Variants in PDZD2 observed in about 807,000 individuals in gnomAD.
PDZD2 encodes PDZ domain-containing protein 2.
Under a neutral mutation model 220.7 loss-of-function variants are expected in PDZD2, and 90 were observed. That is an observed-to-expected ratio of 0.41 (90% confidence interval 0.34 to 0.49). PDZD2 has a LOEUF of 0.49. PDZD2 is among the 20% of genes least tolerant of loss of function. The pLI, the probability that PDZD2 is intolerant of heterozygous loss-of-function variation, is 0.28. For missense variants in PDZD2, 3,174 were observed against 3,608.5 expected (o/e 0.88, Z 3.08); for synonymous variants, 1,375 against 1,450.5 (o/e 0.95, Z 1.18).
intron 2 of PDZD2, among the ~76,000 whole-genome samples, chr5:31,848,804 C>T (rs781750902): frequency 4.6e-4 from 70 of 151,206 alleles, no homozygotes; most frequent in Non-Finnish European, 7.8e-4. Flanking sequence ...AATCCCAGCA[C>T]TTTGGGAGGT....
chr5:32,087,214 A>G lies in PDZD2; in HGVS notation c.3766A>G (p.Thr1256Ala). ...TGACCCCAGCAAGACCTCTGTAGAC[A>G]CAGGGCAAGTCAGTCGGCCAGAGAA... ...HPDPSKTSVD[T>A]GQVSRPENPS... is the part of the protein sequence containing the mutation. Residue 1256 changes from threonine to alanine, a missense_variant, in exon 20 of 25, where the codon ACA (threonine) becomes GCA (alanine). Physicochemically the swap from Thr to Ala is moderately conservative, Grantham distance 58 (BLOSUM62 0). Coordinates refer to ENST00000438447, the MANE Select transcript of PDZD2 (RefSeq NM_178140.4). The surrounding 1 kb of genome is among the most constrained non-coding windows in gnomAD (Gnocchi z 4.0). The G allele has an allele frequency of 1.2e-6, 2 of 1,614,002 alleles. No homozygotes were observed. The highest frequency in any genetic ancestry group is 1.7e-6 in the Non-Finnish European group (2 of 1,179,904).
intron 2 of PDZD2, among the ~76,000 whole-genome samples, chr5:31,963,217 C>G (rs1390652645): frequency 6.6e-6 from 1 of 152,206 alleles, no homozygotes; most frequent in Non-Finnish European, 1.5e-5. Flanking sequence ...CATTTAAAAA[C>G]CATCACAATG....
At chr5:31,741,337 A>G (rs1488244752) in intron 1 of PDZD2, among the ~76,000 whole-genome samples, 2 of 151,792 alleles carry the variant, frequency 1.3e-5, no homozygotes, top group African/African-American at 4.8e-5. Flanking sequence ...TGGCAATGAA[A>G]ATTGATTCAG....
chr5:31,822,916 C>A, intron 2 of PDZD2: 1 of 914,594 alleles, frequency 1.1e-6, no homozygotes, highest in Non-Finnish European at 1.7e-6. Context: ...TGCATAACTA[C>A]AAATAGTCTG....
chr5:31,863,163 C>T (rs1737882832), intron 2 of PDZD2, among the ~76,000 whole-genome samples: 1 of 152,226 alleles, frequency 6.6e-6, no homozygotes, highest in Non-Finnish European at 1.5e-5. Context: ...GGGCTTACAG[C>T]CATGAGCCAC....
At chr5:31,960,166 CTTTCT>C (rs1748076772) in intron 2 of PDZD2, among the ~76,000 whole-genome samples, 1 of 151,258 alleles carries the variant, frequency 6.6e-6, no homozygotes, top group South Asian at 2.1e-4. Flanking sequence ...TGCTTGCTTG[CTTTCT>C]TTTCTTTCCT....
chr5:32,102,616 C>CA, intron 24 of PDZD2, among the ~76,000 whole-genome samples: 1 of 152,132 alleles, frequency 6.6e-6, no homozygotes, highest in South Asian at 2.1e-4. Flanking sequence ...AAGCATGTGG[C>CA]AACTCGACTA....
At position 31,747,123 on chromosome 5, in the gene PDZD2, C is replaced by G. The variant is rs193127582; in HGVS notation, c.-360-51766C>G. Among the ~76,000 whole-genome samples, 45 of 152,278 alleles carry G rather than the reference C, an allele frequency of 3.0e-4. No homozygotes were observed. The South Asian group carries it at 7.3e-3, about 25-fold the overall frequency. On this transcript the variant is annotated intron_variant, in intron 1 of 24. Coordinates refer to ENST00000438447, the MANE Select transcript of PDZD2 (RefSeq NM_178140.4). ...CTGGGAGGCAGAGGTTGCAGTGAGC[C>G]AAGATGGCACCATTGCACTCCAGCC...
intron 1 of PDZD2, chr5:31,657,183 C>T (rs1745585479): frequency 1.3e-5 from 2 of 152,222 alleles, no homozygotes; most frequent in African/African-American, 4.8e-5. Context: ...TAGACCTGTA[C>T]ATCATGGGAA....
rs570670091 is a variant in PDZD2 at position 32,043,461 on chromosome 5, G to T, written c.1520-5078G>T. On this transcript the variant is annotated intron_variant, in intron 7 of 24. Coordinates refer to ENST00000438447, the MANE Select transcript of PDZD2 (RefSeq NM_178140.4). Reference sequence around the variant, plus strand: ...CAGTTTCTTTATCCGTAAAATGAGGGTTATGTTCTGTATTTATTTTGCCAA... The same window carrying T: ...CAGTTTCTTTATCCGTAAAATGAGGTTTATGTTCTGTATTTATTTTGCCAA... Among the ~76,000 whole-genome samples the T allele has an allele frequency of 5.9e-5, 9 of 152,298 alleles. No individual in the cohort carries two copies. In the East Asian group the frequency reaches 1.7e-3, roughly 29 times the overall value.
intron 2 of PDZD2, among the ~76,000 whole-genome samples, chr5:31,911,382 A>G (rs1743190797): frequency 6.6e-6 from 1 of 152,164 alleles, no homozygotes; most frequent in Admixed American, 6.5e-5. Flanking sequence ...TAGAGTTGAG[A>G]CTCACCCTTT....
At chr5:32,080,236 T>C (rs539273677) in intron 19 of PDZD2, among the ~76,000 whole-genome samples, 1 of 149,988 alleles carries the variant, frequency 6.7e-6, no homozygotes, top group South Asian at 2.1e-4. Context: ...TAGTCCCAAC[T>C]ACTCAGGAAG....
chr5:32,013,862 A>G (rs1415422586), intron 6 of PDZD2, among the ~76,000 whole-genome samples: 7 of 152,044 alleles, frequency 4.6e-5, no homozygotes, highest in Admixed American at 1.3e-4. Flanking sequence ...GCCATCACCA[A>G]AGCCTCAACA....
At chr5:32,086,663 T>TTTGTTGTTG (rs57422179) in intron 19 of PDZD2, among the ~76,000 whole-genome samples, 38 of 150,470 alleles carry the variant, frequency 2.5e-4, no homozygotes, top group Non-Finnish European at 4.4e-4. Context: ...AGAACGCCGT[T>TTTGTTGTTG]TTGTTGTTGT....
chr5:32,019,229 C>G (rs1331811859), intron 6 of PDZD2, among the ~76,000 whole-genome samples: 2 of 145,002 alleles, frequency 1.4e-5, no homozygotes, highest in Non-Finnish European at 3.0e-5. Context: ...GCAGCCTTGA[C>G]TTCCTGGGCT....
chr5:31,880,625 T>G (rs1288060174), intron 2 of PDZD2, among the ~76,000 whole-genome samples: 3 of 152,200 alleles, frequency 2.0e-5, no homozygotes, highest in South Asian at 4.2e-4. Context: ...TACCAATGTA[T>G]GAAATAGTTA....
chr5:31,953,647 T>C (rs1747374972), intron 2 of PDZD2, among the ~76,000 whole-genome samples: 1 of 105,294 alleles, frequency 9.5e-6, no homozygotes, highest in African/African-American at 3.7e-5. Flanking sequence ...AGACCCTGTC[T>C]CTTAAAAAAA....
At chr5:31,672,979 G>A (rs1168093627) in intron 1 of PDZD2, among the ~76,000 whole-genome samples, 1 of 152,138 alleles carries the variant, frequency 6.6e-6, no homozygotes, top group Non-Finnish European at 1.5e-5. Flanking sequence ...TTCCTTATTG[G>A]GAATAGGAAA....
In PDZD2 at chr5:32,052,607, T is replaced by C. The variant is rs763894221; in HGVS notation, c.1666-4T>C. The C allele has an allele frequency of 6.2e-7, 1 of 1,613,804 alleles. No homozygotes were observed. The highest frequency in any genetic ancestry group is 1.1e-5 in the South Asian group (1 of 91,088). On this transcript the variant is annotated splice_polypyrimidine_tract_variant and splice_region_variant and intron_variant, in intron 8 of 24. Coordinates refer to ENST00000438447, the MANE Select transcript of PDZD2 (RefSeq NM_178140.4). ...CTCTGACCTTGCCGTGTGCTGACTTTTAGGAATACCACATTGTGAAGAAGT... is the reference window on the plus strand; with the variant it reads ...CTCTGACCTTGCCGTGTGCTGACTTCTAGGAATACCACATTGTGAAGAAGT...
Sources: gnomAD v4.1 joint callset for allele counts (sites outside exome capture counted in the v4.1 genomes callset) on GRCh38, gnomAD v4.1.1 for gene constraint, Gnocchi (gnomAD v3.1) non-coding constraint, MANE v1.5 for transcripts, NCBI Gene and HGNC (gene_info 2026-07-23, HGNC 2026-07-21) for gene names.